Variants in IARS2 observed in about 807,000 individuals in gnomAD.
The protein encoded by IARS2 is isoleucine--tRNA ligase, mitochondrial.
Under a neutral mutation model 126.3 loss-of-function variants are expected in IARS2, and 56 were observed. That is an observed-to-expected ratio of 0.44 (90% CI 0.36 to 0.55). IARS2 has a LOEUF of 0.55. IARS2 is among the 20% of genes least tolerant of loss of function. The pLI, the probability that IARS2 is intolerant of heterozygous loss-of-function variation, is 0.00. For missense variants in IARS2, 1,127 were observed against 1,245.9 expected (o/e 0.90, Z 1.44); for synonymous variants, 407 against 441.1 (o/e 0.92, Z 0.97).
intron 14 of IARS2, among the ~76,000 whole-genome samples, chr1:220,133,865 C>A (rs1214239932): frequency 6.6e-6 from 1 of 151,294 alleles, no homozygotes; most frequent in African/African-American, 2.4e-5. Flanking sequence ...ACATAACCAA[C>A]ACAGATATCA....
Position 220,139,136 on chromosome 1 carries a change from C to A in IARS2, c.2304C>A (p.Asn768Lys). 6.2e-7 allele frequency: 1 copy of A among 1,602,868 alleles called. No individual in the cohort carries two copies. The highest frequency in any genetic ancestry group is 1.7e-5 in the Admixed American group (1 of 57,790). The change falls in exon 18 of 23, where the codon AAC becomes AAA. Residue 768 changes from asparagine to lysine, a missense_variant. Asn to Lys is a moderately conservative substitution (Grantham distance 94). Coordinates refer to ENST00000366922, the MANE Select transcript of IARS2 (RefSeq NM_018060.4). ...TACACTTACTGCAGGATTTGGCAAA[C>A]AAGGTAAATGTAAATTAATAAACTT... Reference protein sequence around the residue: ...YMLHLLQDLANKITELYKQYD... With the variant: ...YMLHLLQDLAKKITELYKQYD...
intron 2 of IARS2, among the ~76,000 whole-genome samples, chr1:220,098,796 G>A (rs991377130): frequency 1.3e-5 from 2 of 151,938 alleles, no homozygotes; most frequent in South Asian, 4.2e-4. Flanking sequence ...TTCACTAGAG[G>A]CTTCATATAT....
chr1:220,109,399 CAA>C (rs1181239421), intron 10 of IARS2, among the ~76,000 whole-genome samples: 53 of 113,204 alleles, frequency 4.7e-4, no homozygotes, highest in Admixed American at 9.8e-4. Flanking sequence ...GAGTCCATCT[CAA>C]AAAAAAAAAA....
intron 15 of IARS2, among the ~76,000 whole-genome samples, 175 bp from the exon 16 acceptor site, chr1:220,136,634 C>CAAAAAA (rs775927970): frequency 7.9e-5 from 5 of 63,044 alleles, no homozygotes; most frequent in Non-Finnish European, 1.3e-4. Context: ...GACTCCATCT[C>CAAAAAA]AAAAAAAAAA....
intron 11 of IARS2, among the ~76,000 whole-genome samples, chr1:220,111,922 C>T (rs1162213644): frequency 1.3e-5 from 2 of 151,604 alleles, no homozygotes; most frequent in Non-Finnish European, 2.9e-5. Flanking sequence ...AGCTCTGCAC[C>T]GATTTTTGGT....
At chr1:220,102,900 T>C in intron 7 of IARS2, 123 bp downstream of exon 7, 1 of 661,018 alleles carries the variant, frequency 1.5e-6, no homozygotes, top group South Asian at 1.9e-5. Flanking sequence ...AACTTAGTTA[T>C]TATGTTCATA....
At position 220,114,302 on chromosome 1, in the gene IARS2, A is replaced by G; in HGVS notation, c.1480-12A>G. The G allele has an allele frequency of 6.2e-7, 1 of 1,608,550 alleles. No homozygotes were observed. The highest frequency in any genetic ancestry group is 1.7e-4 in the Middle Eastern group (1 of 6,052). ...TTTCTCTCACAAGACTTGATTTATG[A>G]ATTAATTGCAGGAATTGTTAAAAAA... On this transcript the variant is annotated splice_polypyrimidine_tract_variant and intron_variant, in intron 11 of 22. Coordinates refer to ENST00000366922, the MANE Select transcript of IARS2 (RefSeq NM_018060.4).
chr1:220,135,698 AC>A (rs1305332762), intron 15 of IARS2, among the ~76,000 whole-genome samples: 2 of 145,884 alleles, frequency 1.4e-5, no homozygotes, highest in Non-Finnish European at 3.0e-5. Flanking sequence ...CGTTTTAAAG[AC>A]CAGTAAAAGG....
Position 220,145,604 on chromosome 1 carries a change from G to A in IARS2, c.2847G>A (p.Met949Ile), listed in dbSNP as rs757454827. 4 of 1,613,736 alleles carry A rather than the reference G, an allele frequency of 2.5e-6. No individual in the cohort carries two copies. The highest frequency in any genetic ancestry group is 1.7e-4 in the Middle Eastern group (1 of 6,058). The change falls in exon 22 of 23, where the codon ATG becomes ATA. Residue 949 changes from methionine (M) to isoleucine (I), a missense_variant. Transcript: ENST00000366922. ...TACTGGCTCAGGAACCACGAGAGAT[G>A]ACTGCAGATGTAATCGAGCTTAAAG... is the stretch of plus-strand genomic sequence containing the variant. ...STLLAQEPRE[M>I]TADVIELKGK...
intron 12 of IARS2, among the ~76,000 whole-genome samples, chr1:220,122,226 G>A (rs1264642769): frequency 1.3e-5 from 2 of 151,866 alleles, no homozygotes; most frequent in Non-Finnish European, 2.9e-5. Flanking sequence ...CACTTTTTCC[G>A]ATGTTTATAG....
At chr1:220,136,997 T>A in intron 16 of IARS2, 86 bp downstream of exon 16, 1 of 692,584 alleles carries the variant, frequency 1.4e-6, no homozygotes, top group Non-Finnish European at 2.4e-6. Flanking sequence ...TACTTCAATG[T>A]AAAAATAAAA....
In IARS2 at chr1:220,103,437, TTTATG is replaced by T; in HGVS notation, c.951-6_951-2del. The T allele has an allele frequency of 4.8e-6, 7 of 1,450,734 alleles. No homozygotes were observed. Among genetic ancestry groups the T allele is most frequent in the Non-Finnish European group, 6.7e-6 (7 of 1,042,898 alleles). 89.9% of individuals were successfully genotyped at this position (1,450,734 alleles called of 1,614,324 possible). The stretch of plus-strand genomic sequence containing the variant: ...CATTATTAGTAATTTCTCCTAAAAT[TTTATG>T]TTAGGTATGCTGTTGTGAAATGTTC... On this transcript the variant is annotated splice_region_variant and splice_polypyrimidine_tract_variant and intron_variant, in intron 7 of 22. Transcript: ENST00000366922.
intron 8 of IARS2, among the ~76,000 whole-genome samples, chr1:220,105,690 C>A (rs1460836623): frequency 6.6e-6 from 1 of 152,206 alleles, no homozygotes; most frequent in South Asian, 2.1e-4. Flanking sequence ...CTCACAGAAA[C>A]CCTCTGAGGT....
chr1:220,109,344 G>A (rs1455424911), intron 10 of IARS2, among the ~76,000 whole-genome samples: 4 of 151,050 alleles, frequency 2.6e-5, no homozygotes, highest in Non-Finnish European at 5.9e-5. Context: ...AGGTTGCAGT[G>A]AGCTGAGACT....
At chr1:220,122,207 A>G (rs767992039) in intron 12 of IARS2, among the ~76,000 whole-genome samples, 2 of 152,236 alleles carry the variant, frequency 1.3e-5, no homozygotes, top group African/African-American at 2.4e-5. Context: ...ATTTTCGCCT[A>G]GTCTTCGTCA....
chr1:220,104,407 G>A (rs1415717222), intron 8 of IARS2, among the ~76,000 whole-genome samples: 2 of 152,132 alleles, frequency 1.3e-5, no homozygotes, highest in Admixed American at 6.6e-5. Context: ...GTTTTGAGAC[G>A]TGGTCTTGCT....
chr1:220,136,711 T>G, intron 15 of IARS2, 98 bp from the exon 16 acceptor site: 3 of 529,718 alleles, frequency 5.7e-6, no homozygotes, highest in Non-Finnish European at 1.0e-5. Flanking sequence ...AATCATATTT[T>G]TGTGTCAAAC....
chr1:220,143,178 G>A (rs372324865), intron 21 of IARS2, 44 bp downstream of exon 21: 38 of 1,436,816 alleles, frequency 2.6e-5, no homozygotes, highest in South Asian at 1.4e-4. Context: ...TAGTATCATA[G>A]AGCTTTGCCT....
intron 14 of IARS2, among the ~76,000 whole-genome samples, chr1:220,131,528 T>G (rs1370476787): frequency 6.6e-6 from 1 of 152,062 alleles, no homozygotes; most frequent in Non-Finnish European, 1.5e-5. Flanking sequence ...ATTTTGTATT[T>G]TTAGTAGAGA....
Sources: allele counts gnomAD v4.1 joint callset (sites outside exome capture counted in the v4.1 genomes callset), GRCh38; gene constraint gnomAD v4.1.1; transcripts MANE v1.5; gene names NCBI Gene and HGNC (gene_info 2026-07-23, HGNC 2026-07-21).